Variants in EXO1 observed in about 807,000 individuals in gnomAD.
EXO1 encodes the protein exonuclease 1.
A neutral mutation model predicts 84.5 loss-of-function variants in EXO1; 69 were observed. That is an observed-to-expected ratio of 0.82 (90% confidence interval 0.67 to 1.00). EXO1 has a LOEUF of 1.00. Among genes scored for constraint, EXO1 ranks in the 50% least tolerant of loss-of-function variants. EXO1 has a pLI of 0.00. For missense variants in EXO1, 1,045 were observed against 1,000.7 expected (o/e 1.04, Z -0.60); for synonymous variants, 373 against 366.1 (o/e 1.02, Z -0.21).
chr1:241,871,862 G>T (rs1455092580), intron 11 of EXO1, among the ~76,000 whole-genome samples, 170 bp from the exon 12 acceptor site: 2 of 151,102 alleles, frequency 1.3e-5, no homozygotes, highest in African/African-American at 4.9e-5. Context: ...AGACCTAAGG[G>T]AGTTTTTTTG....
At chr1:241,864,843 C>G (rs933915731) in intron 10 of EXO1, among the ~76,000 whole-genome samples, 17 of 150,950 alleles carry the variant, frequency 1.1e-4, no homozygotes, top group African/African-American at 3.9e-4. Context: ...CTTTACACAG[C>G]TGAACTATTG....
At chr1:241,879,465 ACT>A in intron 13 of EXO1, 122 bp downstream of exon 13, 1 of 645,256 alleles carries the variant, frequency 1.5e-6, no homozygotes, top group Non-Finnish European at 2.7e-6. Context: ...TTCATTCTAA[ACT>A]CTACTGTGCA....
At chr1:241,853,236 C>G (rs1259992306) in intron 5 of EXO1, 122 bp from the exon 6 acceptor site, 3 of 1,011,930 alleles carry the variant, frequency 3.0e-6, no homozygotes, top group Non-Finnish European at 4.6e-6. Flanking sequence ...CTGGTGTGTA[C>G]TTTCTAATGA....
At chr1:241,883,860 A>T (rs1033480222) in intron 14 of EXO1, among the ~76,000 whole-genome samples, 12 of 152,150 alleles carry the variant, frequency 7.9e-5, no homozygotes, top group African/African-American at 2.9e-4. Context: ...AGAACTGGAG[A>T]TGTAGAAAGT....
At position 241,882,006 on chromosome 1, in the gene EXO1, CT is replaced by C. The variant is rs1558146117; in HGVS notation, c.2201del (p.Leu734GlnfsTer25). On this transcript the variant is annotated frameshift_variant, in exon 14 of 16. Coordinates refer to ENST00000366548, the MANE Select transcript of EXO1 (RefSeq NM_130398.4). LOFTEE classifies it high-confidence loss of function. ...LSHFSKKDTP[L>X]RNKVPGLYKS... ...TCATTTCTCAAAAAAAGACACACCT[CT>C]AAGGAACAAGGTAAAACATTTATTT... The C allele has an allele frequency of 2.0e-6, 3 of 1,497,836 alleles. No homozygotes were observed. Among genetic ancestry groups the C allele is most frequent in the Non-Finnish European group, 2.8e-6 (3 of 1,075,782 alleles). The allele number at this position is 1,497,836 out of a possible 1,614,324, so 92.8% of individuals were successfully genotyped here.
chr1:241,871,183 T>C (rs1662070181), intron 11 of EXO1, among the ~76,000 whole-genome samples: 1 of 152,236 alleles, frequency 6.6e-6, no homozygotes, highest in Admixed American at 6.5e-5. Flanking sequence ...ATTCCCTGCA[T>C]AATAAACAGA....
rs770124997 is a variant in EXO1, at chr1:241,850,402, A to G, written c.-17-7A>G. ...ATTACTGTTCTCCCTGTCTCTTTTC[A>G]TATCAGGTAGTTAATTTGGCACCAT... On this transcript the variant is annotated splice_polypyrimidine_tract_variant and splice_region_variant and intron_variant, in intron 3 of 15. Coordinates refer to ENST00000366548, the MANE Select transcript of EXO1 (RefSeq NM_130398.4). 2.9e-5 allele frequency: 46 copies of G among 1,584,880 alleles called. 1 individual carries two copies. In the Admixed American group the frequency reaches 7.7e-4, roughly 26 times the overall value.
chr1:241,856,263 C>CT lies in EXO1; in HGVS notation c.406-1069dup, dbSNP rs11301251. Among the ~76,000 whole-genome samples the CT allele has an allele frequency of 1.9e-3, 276 of 143,876 alleles. 1 individual carries two copies. Among genetic ancestry groups the CT allele is most frequent in the African/African-American group, 5.8e-3 (229 of 39,370 alleles). 94.4% of individuals were successfully genotyped at this position (143,876 alleles called of 152,430 possible). A position where few individuals can be genotyped will look rare whatever the true frequency, so the allele number is the denominator to read the frequency against. On this transcript the variant is annotated intron_variant, in intron 6 of 15. Transcript: ENST00000366548. ...CTCTTTCCTCTTTTTTTCTTTTTTT[C>CT]TTTTTTTTTTTTTAACTTCCCAAAG...
At position 241,878,775 on chromosome 1, in the gene EXO1, A is replaced by C; in HGVS notation, c.1541A>C (p.Asp514Ala). 6.2e-7 allele frequency: 1 copy of C among 1,613,208 alleles called. No homozygotes were observed. The highest frequency in any genetic ancestry group is 8.5e-7 in the Non-Finnish European group (1 of 1,179,458). Residue 514 changes from aspartate (D) to alanine (A), a missense_variant, in exon 13 of 16, where the codon GAC becomes GCC. Transcript: ENST00000366548. ...SRFFCSSDST[D>A]CVSNKVSIQP... ...TTTTTTTGCAGTTCAGATTCTACTGACTGTGTATCAAACAAAGTGAGCATC... is the reference window on the plus strand; with the variant it reads ...TTTTTTTGCAGTTCAGATTCTACTGCCTGTGTATCAAACAAAGTGAGCATC...
intron 11 of EXO1, among the ~76,000 whole-genome samples, chr1:241,871,064 G>T (rs550402597): frequency 6.6e-6 from 1 of 151,622 alleles, no homozygotes; most frequent in East Asian, 1.9e-4. Context: ...AAATAACTAT[G>T]CTAATAACCT....
At position 241,860,668 on chromosome 1, in the gene EXO1, A is replaced by G. The variant is rs763363627; in HGVS notation, c.908A>G (p.Asp303Gly). The part of the protein sequence containing the change: ...RKLIPLNAYE[D>G]DVDPETLSYA... ...CTTATTCCTCTGAACGCCTATGAAG[A>G]TGATGTTGATCCTGAAACACTAAGC... The change falls in exon 9 of 16, where the codon GAT becomes GGT. Residue 303 changes from aspartate to glycine, a missense_variant. Coordinates refer to ENST00000366548, the MANE Select transcript of EXO1 (RefSeq NM_130398.4). The G allele has an allele frequency of 5.6e-6, 9 of 1,613,932 alleles. No individual in the cohort carries two copies. The East Asian group carries it at 1.8e-4, about 32-fold the overall frequency.
intron 6 of EXO1, among the ~76,000 whole-genome samples, chr1:241,854,978 C>T (rs1312461342): frequency 6.6e-6 from 1 of 151,952 alleles, no homozygotes; most frequent in Non-Finnish European, 1.5e-5. Context: ...GGCTCGCGGT[C>T]TTGCTGGCTT....
Position 241,863,645 on chromosome 1 carries a change from G to A in EXO1, c.1041+2143G>A, listed in dbSNP as rs1241622854. On this transcript the variant is annotated intron_variant, in intron 10 of 15. Transcript: ENST00000366548. ...GAAATAAGCCAAGCCTACCAAGAGA[G>A]CACAAATCTATAACGACCCTAAAAA... Among the ~76,000 whole-genome samples the A allele has an allele frequency of 2.6e-5, 4 of 152,220 alleles. No individual in the cohort carries two copies. The South Asian group carries it at 6.2e-4, about 24-fold the overall frequency.
At chr1:241,853,562 G>A in intron 6 of EXO1, 81 bp downstream of exon 6, 1 of 1,506,028 alleles carries the variant, frequency 6.6e-7, no homozygotes, top group Non-Finnish European at 9.2e-7. Context: ...AAAATCAAGG[G>A]TGGAAAATTG....
At chr1:241,851,176 C>T (rs1004105480) in intron 4 of EXO1, among the ~76,000 whole-genome samples, 2 of 152,094 alleles carry the variant, frequency 1.3e-5, no homozygotes, top group African/African-American at 4.8e-5. Flanking sequence ...TTTGAAAATC[C>T]GTGATGATTT....
In EXO1 at chr1:241,867,003, T is replaced by C; in HGVS notation, c.1215T>C (p.Thr405=). The change falls in exon 11 of 16, where the codon ACT becomes ACC. Residue 405 remains threonine, a synonymous_variant. Transcript: ENST00000366548. ...TGGGAGTGGAACGAGTGATTAGTACTAAAGGGTTAAATCTCCCAAGGAAAT... is the reference window on the plus strand; with the variant it reads ...TGGGAGTGGAACGAGTGATTAGTACCAAAGGGTTAAATCTCCCAAGGAAAT... ...STVGVERVIS[T]KGLNLPRKSS... is the part of the protein sequence containing the mutation. 2 of 1,614,084 alleles carry C rather than the reference T, an allele frequency of 1.2e-6. No individual in the cohort carries two copies. Among genetic ancestry groups the C allele is most frequent in the Non-Finnish European group, 1.7e-6 (2 of 1,179,956 alleles).
At chr1:241,867,909 G>A (rs1341059282) in intron 11 of EXO1, among the ~76,000 whole-genome samples, 2 of 151,448 alleles carry the variant, frequency 1.3e-5, no homozygotes, top group South Asian at 2.1e-4. Flanking sequence ...TGTTTTTCAC[G>A]TTTCCATGTA....
At chr1:241,854,972 C>T (rs113136107) in intron 6 of EXO1, among the ~76,000 whole-genome samples, 2,042 of 151,952 alleles carry the variant, frequency 0.013, 37 homozygotes, top group African/African-American at 0.047. Flanking sequence ...CCTGGGGGCT[C>T]GCGGTCTTGC....
At chr1:241,880,124 C>T (rs1011994086) in intron 13 of EXO1, among the ~76,000 whole-genome samples, 12 of 152,054 alleles carry the variant, frequency 7.9e-5, no homozygotes, top group Admixed American at 7.2e-4. Context: ...CTTATTCCTT[C>T]TAAATTTCTC....
Sources: gnomAD v4.1 joint callset for allele counts (sites outside exome capture counted in the v4.1 genomes callset) on GRCh38, gnomAD v4.1.1 for gene constraint, MANE v1.5 for transcripts, NCBI Gene and HGNC (gene_info 2026-07-23, HGNC 2026-07-21) for gene names.